The following POT1 variants were observed in gnomAD, a reference collection of about 807,000 sequenced individuals.
POT1 encodes protection of telomeres 1.
POT1 carries 47 observed loss-of-function variants against 78.5 expected under a neutral mutation model. That is an observed-to-expected ratio of 0.60 (90% CI 0.47 to 0.76). The LOEUF is 0.76. POT1 is among the 30% of genes least tolerant of loss of function. POT1 has a pLI of 0.00. For missense variants in POT1, 646 were observed against 749.9 expected (o/e 0.86, Z 1.62); for synonymous variants, 259 against 260.7 (o/e 0.99, Z 0.06).
At position 124,883,930 on chromosome 7, in the gene POT1, GATTA is replaced by G. The variant is rs527400176; in HGVS notation, c.124+8332_124+8335del. ...TAGGTCTTATGAAGTAACAATGAGTGATTAATTACTCAGTAATTAATACATTAAT... is the reference window on the plus strand; with the variant it reads ...TAGGTCTTATGAAGTAACAATGAGTGATTACTCAGTAATTAATACATTAAT... On this transcript the variant is annotated intron_variant, in intron 6 of 18. Coordinates refer to ENST00000357628, the MANE Select transcript of POT1 (RefSeq NM_015450.3). 4.2e-4 allele frequency among the ~76,000 whole-genome samples: 63 copies of G among 151,466 alleles called. No homozygotes were observed. In the South Asian group the frequency reaches 0.012, roughly 28 times the overall value.
rs950620930 is a variant in POT1 at position 124,844,680 on chromosome 7, A to G, written c.1007-1717T>C. 1.5e-5 allele frequency among the ~76,000 whole-genome samples: 2 copies of G among 137,724 alleles called. 1 individual carries two copies. Among genetic ancestry groups the G allele is most frequent in the African/African-American group, 5.4e-5 (2 of 36,868 alleles). 90.4% of individuals were successfully genotyped at this position (137,724 alleles called of 152,430 possible). On this transcript the variant is annotated intron_variant, in intron 12 of 18. Coordinates refer to ENST00000357628, the MANE Select transcript of POT1 (RefSeq NM_015450.3). The stretch of plus-strand genomic sequence containing the variant: ...AACCCGGAAGGCAGAGCTTGCAGTG[A>G]GCCAAGATAGTGCCACTGCACTCCA...
intron 7 of POT1, among the ~76,000 whole-genome samples, chr7:124,865,737 C>T (rs1021626667): frequency 1.3e-5 from 2 of 151,548 alleles, no homozygotes; most frequent in African/African-American, 4.8e-5. Flanking sequence ...AGACGGATCT[C>T]GTTCTGTCAC....
At chr7:124,877,250 G>T (rs960564755) in intron 6 of POT1, among the ~76,000 whole-genome samples, 1 of 152,092 alleles carries the variant, frequency 6.6e-6, no homozygotes, top group Non-Finnish European at 1.5e-5. Context: ...AAAGTCTAAG[G>T]AATAATTTCG....
chr7:124,832,810 A>G (rs1794800518), intron 15 of POT1, among the ~76,000 whole-genome samples: 1 of 145,830 alleles, frequency 6.9e-6, no homozygotes, highest in Admixed American at 7.0e-5. Context: ...CAATAGAGCA[A>G]GACTTCATCT....
chr7:124,918,760 G>T (rs1797077288), intron 2 of POT1, among the ~76,000 whole-genome samples: 1 of 152,060 alleles, frequency 6.6e-6, no homozygotes, highest in South Asian at 2.1e-4. Flanking sequence ...AATTCCAAAT[G>T]ACGTATTTAC....
At chr7:124,829,811 C>T (rs1045999473) in intron 15 of POT1, among the ~76,000 whole-genome samples, 6 of 151,974 alleles carry the variant, frequency 3.9e-5, no homozygotes, top group South Asian at 4.1e-4. Flanking sequence ...GTGAGCCTCC[C>T]ACCTCAGCCT....
intron 2 of POT1, among the ~76,000 whole-genome samples, chr7:124,921,699 G>GA (rs1797155173): frequency 6.6e-6 from 1 of 151,890 alleles, no homozygotes; most frequent in Non-Finnish European, 1.5e-5. Context: ...GAGAGCAACA[G>GA]AAATTACTCA....
intron 12 of POT1, among the ~76,000 whole-genome samples, chr7:124,844,638 G>C (rs1487793754): frequency 6.7e-6 from 1 of 149,140 alleles, no homozygotes; most frequent in Non-Finnish European, 1.5e-5. Context: ...GGGAGGCTGA[G>C]GCAGGAGAAT....
rs541801296 is a variant in POT1 at position 124,825,999 on chromosome 7, T to C, written c.1687-642A>G. Among the ~76,000 whole-genome samples the C allele has an allele frequency of 9.2e-5, 14 of 152,294 alleles. No individual in the cohort carries two copies. The South Asian group carries it at 2.7e-3, about 29-fold the overall frequency. Reference sequence around the variant, plus strand: ...TGGAACGTAATCTCTAAGCCCTTTCTATGTCACACTTGATAGAAGTATTTT... The same window carrying C: ...TGGAACGTAATCTCTAAGCCCTTTCCATGTCACACTTGATAGAAGTATTTT... On this transcript the variant is annotated intron_variant, in intron 17 of 18. Transcript: ENST00000357628.
Position 124,823,825 on chromosome 7 carries a change from A to T in POT1, c.*137T>A. The stretch of plus-strand genomic sequence containing the variant: ...GCACCCAGTAAAAGCCAAGAGATTT[A>T]AGGTAAGGACATTTTCTAATCCCAT... On this transcript the variant is annotated 3_prime_UTR_variant, in exon 19 of 19. Transcript: ENST00000357628. 1.6e-6 allele frequency: 1 copy of T among 634,304 alleles called. No homozygotes were observed. Among genetic ancestry groups the T allele is most frequent in the Non-Finnish European group, 2.8e-6 (1 of 356,612 alleles). 39.3% of individuals were successfully genotyped at this position (634,304 alleles called of 1,614,324 possible). A position where few individuals can be genotyped will look rare whatever the true frequency, so the allele number is the denominator to read the frequency against.
chr7:124,868,658 T>C (rs1232914156), intron 7 of POT1, among the ~76,000 whole-genome samples: 1 of 150,676 alleles, frequency 6.6e-6, no homozygotes, highest in Admixed American at 6.6e-5. Context: ...TAAATAAATA[T>C]AAAAAAGTAA....
chr7:124,866,811 G>A (rs763743218), intron 7 of POT1, among the ~76,000 whole-genome samples: 1 of 152,146 alleles, frequency 6.6e-6, no homozygotes, highest in African/African-American at 2.4e-5. Context: ...CGTTTTATGG[G>A]TCTTCGTGGT....
chr7:124,920,544 A>G (rs1481388388), intron 2 of POT1, among the ~76,000 whole-genome samples: 3 of 152,214 alleles, frequency 2.0e-5, no homozygotes, highest in Non-Finnish European at 4.4e-5. Flanking sequence ...AACAGAATGT[A>G]GCACTAAAAT....
chr7:124,858,653 C>G lies in POT1; in HGVS notation c.702+304G>C, dbSNP rs10233385. ...TTTAAGTTAGCAATATTTTATATAGCCTTTTTCATTCTAAAGCAGTATTAT... is the reference window on the plus strand; with the variant it reads ...TTTAAGTTAGCAATATTTTATATAGGCTTTTTCATTCTAAAGCAGTATTAT... On this transcript the variant is annotated intron_variant, in intron 9 of 18. Coordinates refer to ENST00000357628, the MANE Select transcript of POT1 (RefSeq NM_015450.3). 0.22 allele frequency: 38,655 copies of G among 174,344 alleles called. 4,817 individuals carry two copies. The highest frequency in any genetic ancestry group is 0.31 in the East Asian group (2,052 of 6,700). 10.8% of individuals were successfully genotyped at this position (174,344 alleles called of 1,614,324 possible).
At chr7:124,906,900 G>A (rs1020454987) in intron 3 of POT1, among the ~76,000 whole-genome samples, 2 of 151,970 alleles carry the variant, frequency 1.3e-5, no homozygotes, top group African/African-American at 4.8e-5. Context: ...ACAGATAATA[G>A]TAGTTTGTAT....
chr7:124,860,149 A>G (rs1262595307), intron 8 of POT1, among the ~76,000 whole-genome samples: 4 of 152,156 alleles, frequency 2.6e-5, no homozygotes, highest in African/African-American at 4.8e-5. Flanking sequence ...CCGGAAAAAA[A>G]AAATCACTCA....
chr7:124,822,387 C>G lies in POT1; in HGVS notation c.*1575G>C, dbSNP rs1794525229. ...AACCCCACAATAAACCAAAAGAAATCATGATAAGGTGGATGTTTATTTAAA... is the reference window on the plus strand; with the variant it reads ...AACCCCACAATAAACCAAAAGAAATGATGATAAGGTGGATGTTTATTTAAA... On this transcript the variant is annotated 3_prime_UTR_variant, in exon 19 of 19. Transcript: ENST00000357628. The G allele has an allele frequency of 3.5e-6, 1 of 287,422 alleles. No individual in the cohort carries two copies. The highest frequency in any genetic ancestry group is 2.2e-5 in the African/African-American group (1 of 46,132). The allele number at this position is 287,422 out of a possible 1,614,324, so 17.8% of individuals were successfully genotyped here.
intron 5 of POT1, among the ~76,000 whole-genome samples, chr7:124,893,383 C>A (rs1297527560): frequency 6.6e-6 from 1 of 151,208 alleles, no homozygotes; most frequent in Non-Finnish European, 1.5e-5. Flanking sequence ...GAAACCCTAC[C>A]CCAAAGAATT....
chr7:124,832,796 T>C (rs1206161033), intron 15 of POT1, among the ~76,000 whole-genome samples: 1 of 145,532 alleles, frequency 6.9e-6, no homozygotes, highest in East Asian at 2.0e-4. Flanking sequence ...CACTCCTATC[T>C]GGGCAATAGA....
Sources: gnomAD v4.1 joint callset for allele counts (sites outside exome capture counted in the v4.1 genomes callset) on GRCh38, gnomAD v4.1.1 for gene constraint, MANE v1.5 for transcripts, NCBI Gene and HGNC (gene_info 2026-07-23, HGNC 2026-07-21) for gene names.